The following FRMD4A variants were observed in gnomAD, a reference collection of about 807,000 sequenced individuals.
FRMD4A encodes the protein FERM domain-containing protein 4A.
A neutral mutation model predicts 129.1 loss-of-function variants in FRMD4A; 29 were observed. The observed-to-expected ratio is 0.22, with a 90% confidence interval of 0.17 to 0.31. The LOEUF is 0.31. Ranked by LOEUF, FRMD4A falls within the 10% of genes least tolerant of loss-of-function variation. The probability of loss-of-function intolerance (pLI) is 1.00; values close to 1 mark genes in which losing one functional copy is unlikely to be tolerated. For missense variants in FRMD4A, 1,272 were observed against 1,375.8 expected (o/e 0.92, Z 1.19); for synonymous variants, 634 against 571.6 (o/e 1.11, Z -1.56).
intron 17 of FRMD4A, among the ~76,000 whole-genome samples, chr10:13,669,849 G>A (rs1275325692): frequency 6.6e-6 from 1 of 152,164 alleles, no homozygotes; most frequent in Non-Finnish European, 1.5e-5. Context: ...CAGTCCAAAG[G>A]ATGGACGTAG....
chr10:13,710,109 G>T (rs2087862236), intron 12 of FRMD4A, among the ~76,000 whole-genome samples: 1 of 152,106 alleles, frequency 6.6e-6, no homozygotes, highest in Non-Finnish European at 1.5e-5. Context: ...GGTGCTGGCA[G>T]GCTCTGTGGG....
intron 12 of FRMD4A, among the ~76,000 whole-genome samples, chr10:13,728,479 T>A (rs2090068703): frequency 1.3e-5 from 2 of 151,618 alleles, no homozygotes; most frequent in African/African-American, 4.8e-5. Flanking sequence ...CCATGAATAC[T>A]CATATGGGGG....
At chr10:13,835,502 T>C (rs991746950) in intron 3 of FRMD4A, among the ~76,000 whole-genome samples, 3 of 152,146 alleles carry the variant, frequency 2.0e-5, no homozygotes, top group Non-Finnish European at 4.4e-5. Flanking sequence ...TTCATCTGTA[T>C]TTATAGCAGC....
intron 2 of FRMD4A, among the ~76,000 whole-genome samples, chr10:14,295,320 C>A (rs754526046): frequency 6.6e-5 from 10 of 152,138 alleles, no homozygotes; most frequent in Admixed American, 1.3e-4. Flanking sequence ...CACTAAAGAC[C>A]CAATTCACTT....
chr10:13,975,227 A>G (rs867491693), intron 2 of FRMD4A, among the ~76,000 whole-genome samples: 6 of 142,556 alleles, frequency 4.2e-5, no homozygotes, highest in East Asian at 2.1e-4. Flanking sequence ...GTGTGTGTGT[A>G]TGTGTGTGTG....
chr10:13,992,562 T>C (rs2095607045), intron 2 of FRMD4A, among the ~76,000 whole-genome samples: 2 of 152,138 alleles, frequency 1.3e-5, no homozygotes, highest in South Asian at 2.1e-4. Context: ...CAGCCCTCAA[T>C]AGAGAGGAAT....
intron 17 of FRMD4A, among the ~76,000 whole-genome samples, chr10:13,667,006 G>A (rs1353591788): frequency 6.7e-6 from 1 of 149,924 alleles, no homozygotes; most frequent in East Asian, 2.0e-4. Context: ...CTGCTTCCCA[G>A]GTTCAAATGA....
At chr10:13,678,898 T>C (rs2084236446) in intron 15 of FRMD4A, among the ~76,000 whole-genome samples, 2 of 152,332 alleles carry the variant, frequency 1.3e-5, no homozygotes, top group South Asian at 4.2e-4. Flanking sequence ...GATCATTTCT[T>C]TGGGTTGGAA....
At chr10:13,804,543 CTTTA>C (rs751791428) in intron 4 of FRMD4A, among the ~76,000 whole-genome samples, 24 of 151,304 alleles carry the variant, frequency 1.6e-4, no homozygotes, top group Middle Eastern at 3.4e-3. Flanking sequence ...TTCTTTCTTT[CTTTA>C]TTTCTTTTTT....
chr10:14,299,749 G>A (rs1204616948), intron 2 of FRMD4A, among the ~76,000 whole-genome samples: 2 of 152,182 alleles, frequency 1.3e-5, no homozygotes, highest in African/African-American at 2.4e-5. Flanking sequence ...CCAGTAGCCT[G>A]AAGGGAATTC....
At chr10:14,083,488 A>T (rs1046546259) in intron 2 of FRMD4A, 1 of 152,266 alleles carries the variant, frequency 6.6e-6, no homozygotes, top group Admixed American at 6.5e-5. Flanking sequence ...ATGGGCTCTT[A>T]CTGTCTCCAT....
chr10:14,199,877 C>G (rs1293199221), intron 2 of FRMD4A, among the ~76,000 whole-genome samples: 1 of 146,816 alleles, frequency 6.8e-6, no homozygotes, highest in Non-Finnish European at 1.5e-5. Context: ...AAAAATTTTA[C>G]TAAAATTTTA....
intron 12 of FRMD4A, among the ~76,000 whole-genome samples, chr10:13,724,528 G>A (rs1005831774): frequency 3.9e-5 from 6 of 152,200 alleles, no homozygotes; most frequent in Non-Finnish European, 7.3e-5. Context: ...TGGAGCGAGC[G>A]AGGCTATTGG....
chr10:14,086,932 C>T (rs1442351787), intron 2 of FRMD4A, among the ~76,000 whole-genome samples: 2 of 152,108 alleles, frequency 1.3e-5, no homozygotes, highest in Admixed American at 1.3e-4. Flanking sequence ...GTTCTCCCCA[C>T]ATCTGGAATT....
chr10:13,691,080 T>C (rs191832188), intron 15 of FRMD4A, among the ~76,000 whole-genome samples: 7 of 152,306 alleles, frequency 4.6e-5, no homozygotes, highest in African/African-American at 1.7e-4. Context: ...CTCCGCCTCC[T>C]GAGTTCAAGT....
At chr10:14,114,864 C>T (rs913784769) in intron 2 of FRMD4A, among the ~76,000 whole-genome samples, 1 of 152,210 alleles carries the variant, frequency 6.6e-6, no homozygotes, top group African/African-American at 2.4e-5. Context: ...TTAGCACATG[C>T]TGAGGGGTTC....
chr10:14,050,202 CA>C (rs1299391970), intron 2 of FRMD4A, among the ~76,000 whole-genome samples: 1 of 152,182 alleles, frequency 6.6e-6, no homozygotes, highest in Non-Finnish European at 1.5e-5. Flanking sequence ...TGGTAGAAAG[CA>C]AAGACACATT....
chr10:13,853,990 A>T (rs965445642), intron 3 of FRMD4A, among the ~76,000 whole-genome samples: 6 of 152,140 alleles, frequency 3.9e-5, no homozygotes, highest in Non-Finnish European at 7.3e-5. Flanking sequence ...CCTGTGAGAC[A>T]GGATATCTAC....
At chr10:13,888,004 A>T (rs2094645238) in intron 2 of FRMD4A, among the ~76,000 whole-genome samples, 1 of 152,218 alleles carries the variant, frequency 6.6e-6, no homozygotes, top group African/African-American at 2.4e-5. Context: ...CTGATTCAGA[A>T]AACTTTTTGC....
Sources: gnomAD v4.1 joint callset for allele counts (sites outside exome capture counted in the v4.1 genomes callset) on GRCh38, gnomAD v4.1.1 for gene constraint, MANE v1.5 for transcripts, NCBI Gene and HGNC (gene_info 2026-07-23, HGNC 2026-07-21) for gene names.